The following DCDC1 variants were observed in gnomAD, a reference collection of about 807,000 sequenced individuals.
DCDC1 encodes the protein doublecortin domain-containing protein 1.
Under a neutral mutation model 178.3 loss-of-function variants are expected in DCDC1, and 200 were observed. The observed-to-expected ratio is 1.12, with a 90% CI of 1.00 to 1.26. The LOEUF (loss-of-function observed/expected upper bound fraction) is 1.26, where lower values mean the gene tolerates loss of function less well. Among genes scored for constraint, DCDC1 ranks in the 50% most tolerant of loss-of-function variants. The pLI is 0.00. For synonymous variants in DCDC1, 690 were observed against 604.8 expected (o/e 1.14, Z -2.07); for missense variants, 1,983 against 1,749.2 (o/e 1.13, Z -2.38).
chr11:30,940,419 T>C (rs981355572), intron 21 of DCDC1, among the ~76,000 whole-genome samples: 3 of 152,176 alleles, frequency 2.0e-5, no homozygotes, highest in African/African-American at 4.8e-5. Context: ...CCATACACGG[T>C]TGTGTTTCTT....
intron 9 of DCDC1, among the ~76,000 whole-genome samples, chr11:31,213,175 A>G (rs1972983510): frequency 1.7e-5 from 2 of 115,324 alleles, no homozygotes; most frequent in South Asian, 2.8e-4. Flanking sequence ...TTTCTTTACC[A>G]GGGCAGTGGT....
intron 9 of DCDC1, among the ~76,000 whole-genome samples, chr11:31,232,720 T>G (rs1239427937): frequency 6.6e-6 from 1 of 152,138 alleles, no homozygotes; most frequent in African/African-American, 2.4e-5. Flanking sequence ...GCCATTGGTG[T>G]TAATTACTTT....
chr11:31,253,883 AT>A (rs555224762), intron 8 of DCDC1, among the ~76,000 whole-genome samples: 2 of 152,280 alleles, frequency 1.3e-5, no homozygotes, highest in South Asian at 4.2e-4. Flanking sequence ...CACCTTATTC[AT>A]GTCAGGTTTA....
chr11:31,237,521 C>T (rs1976609612), intron 9 of DCDC1, among the ~76,000 whole-genome samples: 2 of 151,744 alleles, frequency 1.3e-5, no homozygotes, highest in Admixed American at 6.6e-5. Context: ...AGACTACATA[C>T]ATGCAAAAAA....
intron 7 of DCDC1, among the ~76,000 whole-genome samples, chr11:31,288,633 T>C (rs570039755): frequency 1.3e-5 from 2 of 151,988 alleles, no homozygotes; most frequent in East Asian, 3.9e-4. Flanking sequence ...ATTAGAATCC[T>C]TTACATTCTA....
chr11:31,148,833 G>A (rs976567712), intron 9 of DCDC1, among the ~76,000 whole-genome samples: 1 of 151,824 alleles, frequency 6.6e-6, no homozygotes, highest in African/African-American at 2.4e-5. Flanking sequence ...TGAGATTTTG[G>A]TGCACCTGTC....
chr11:31,369,170 A>G (rs1792842792), intron 1 of DCDC1, among the ~76,000 whole-genome samples: 1 of 152,192 alleles, frequency 6.6e-6, no homozygotes, highest in African/African-American at 2.4e-5. Flanking sequence ...CCTCATCTAT[A>G]AAGTGGGAAT....
At chr11:31,142,501 TG>T (rs1299365095) in intron 9 of DCDC1, among the ~76,000 whole-genome samples, 2 of 152,126 alleles carry the variant, frequency 1.3e-5, no homozygotes, top group Non-Finnish European at 2.9e-5. Flanking sequence ...TGTGTGTGTG[TG>T]TGTGTGTATA....
At chr11:31,104,962 G>A (rs978724741) in intron 13 of DCDC1, among the ~76,000 whole-genome samples, 10 of 151,846 alleles carry the variant, frequency 6.6e-5, no homozygotes, top group Non-Finnish European at 1.2e-4. Context: ...AGCGGACATC[G>A]GCAAAAATCA....
chr11:30,906,756 A>G, intron 29 of DCDC1, 31 bp from the exon 30 acceptor site: 1 of 1,583,962 alleles, frequency 6.3e-7, no homozygotes, highest in East Asian at 2.2e-5. Context: ...GGCTTTATAT[A>G]GGAGCATCTA....
chr11:31,203,856 T>C (rs1447669137), intron 9 of DCDC1, among the ~76,000 whole-genome samples: 3 of 152,044 alleles, frequency 2.0e-5, no homozygotes, highest in African/African-American at 2.4e-5. Context: ...ATTGACCCCA[T>C]GCAACAAAAC....
chr11:31,321,700 C>T (rs1380957157), intron 3 of DCDC1, among the ~76,000 whole-genome samples: 1 of 152,086 alleles, frequency 6.6e-6, no homozygotes, highest in Non-Finnish European at 1.5e-5. Flanking sequence ...ACCTTTTTAC[C>T]AATTGTGTTC....
intron 1 of DCDC1, among the ~76,000 whole-genome samples, chr11:31,353,995 T>A (rs1014610904): frequency 1.3e-5 from 2 of 152,134 alleles, no homozygotes; most frequent in African/African-American, 4.8e-5. Flanking sequence ...TGAGTTAAAA[T>A]ATGAGTCAAA....
chr11:31,198,286 C>T lies in DCDC1; in HGVS notation c.1221+43164G>A, dbSNP rs565178400. ...TTGCCTCAATGGTAGATCCAGAATT[C>T]TACATAGAAAAATGTCTATGGCAAC... On this transcript the variant is annotated intron_variant, in intron 9 of 38. Transcript: ENST00000684477. Among the ~76,000 whole-genome samples, 6 of 152,112 alleles carry T rather than the reference C, an allele frequency of 3.9e-5. No homozygotes were observed. In the South Asian group the frequency reaches 1.2e-3, roughly 32 times the overall value.
intron 1 of DCDC1, among the ~76,000 whole-genome samples, chr11:31,336,337 T>C (rs2133172673): frequency 6.6e-6 from 1 of 152,180 alleles, no homozygotes; most frequent in African/African-American, 2.4e-5. Flanking sequence ...ATCCAAAAGG[T>C]CCTAAGGTGG....
chr11:31,180,932 C>A (rs889691124), intron 9 of DCDC1, among the ~76,000 whole-genome samples: 1 of 152,070 alleles, frequency 6.6e-6, no homozygotes, highest in African/African-American at 2.4e-5. Flanking sequence ...CAGATCCCAC[C>A]GCCACGGAGC....
intron 17 of DCDC1, 54 bp downstream of exon 17, chr11:31,091,339 G>C (rs1392402883): frequency 1.3e-5 from 9 of 691,982 alleles, no homozygotes; most frequent in South Asian, 7.6e-5. Context: ...GAACTGCTCA[G>C]AATTCTTGAA....
Position 31,091,428 on chromosome 11 carries a change from T to G in DCDC1, c.2202A>C (p.Thr734=). 1.3e-6 allele frequency: 1 copy of G among 760,660 alleles called. No homozygotes were observed. Among genetic ancestry groups the G allele is most frequent in the South Asian group, 1.4e-5 (1 of 73,240 alleles). The allele number at this position is 760,660 out of a possible 1,614,324, so 47.1% of individuals were successfully genotyped here. Residue 734 remains threonine (T), a synonymous_variant, in exon 17 of 39, where the codon ACA becomes ACC. Transcript: ENST00000684477. ...HPIRVKAAEG[T]SLEGYKLILQ... is the part of the protein sequence containing the mutation. ...AGATTAATTTATATCCTTCTAGTGATGTTCCCTCAGCAGCCTTGACTCTGA... is the reference window on the plus strand; with the variant it reads ...AGATTAATTTATATCCTTCTAGTGAGGTTCCCTCAGCAGCCTTGACTCTGA...
At chr11:31,335,057 C>G (rs1052043817) in intron 2 of DCDC1, among the ~76,000 whole-genome samples, 1 of 152,140 alleles carries the variant, frequency 6.6e-6, no homozygotes, top group African/African-American at 2.4e-5. Flanking sequence ...GGGCTCTGCC[C>G]CGTTCAAGCT....
Sources: gnomAD v4.1 joint callset for allele counts (sites outside exome capture counted in the v4.1 genomes callset) on GRCh38, gnomAD v4.1.1 for gene constraint, MANE v1.5 for transcripts, NCBI Gene and HGNC (gene_info 2026-07-23, HGNC 2026-07-21) for gene names.